XPO6: variants seen among roughly 807,000 people sequenced by gnomAD.
The protein encoded by XPO6 is exportin-6.
A neutral mutation model predicts 130.0 loss-of-function variants in XPO6; 3 were observed. The ratio of observed to expected loss-of-function variants is 0.02; its 90% CI spans 0.01 to 0.06. XPO6 has a LOEUF of 0.06. Ranked by LOEUF, XPO6 falls within the 10% of genes least tolerant of loss-of-function variation. The pLI is 1.00. For synonymous variants in XPO6, 524 were observed against 548.9 expected, an observed-to-expected ratio of 0.95 and a Z score of 0.63; for missense variants, 970 against 1,393.0, an observed-to-expected ratio of 0.70 and a Z score of 4.83.
At chr16:28,181,149 AAC>A in intron 1 of XPO6, 118 bp from the exon 2 acceptor site, 1 of 731,652 alleles carries the variant, frequency 1.4e-6, no homozygotes, top group Non-Finnish European at 2.2e-6. Context: ...ATCTTGGTTC[AAC>A]ATTCTTCAAA....
chr16:28,141,167 C>A (rs910797311), intron 9 of XPO6, among the ~76,000 whole-genome samples: 6 of 152,110 alleles, frequency 3.9e-5, no homozygotes, highest in Non-Finnish European at 7.4e-5. Flanking sequence ...TTTTTCTCAC[C>A]CTCACTCACA....
intron 9 of XPO6, among the ~76,000 whole-genome samples, chr16:28,140,281 A>G (rs1367329011): frequency 1.3e-5 from 2 of 152,124 alleles, no homozygotes; most frequent in African/African-American, 4.8e-5. Context: ...AAACAATAAC[A>G]AAAAGGTATA....
intron 7 of XPO6, 75 bp from the exon 8 acceptor site, chr16:28,152,860 C>A: frequency 6.4e-7 from 1 of 1,565,584 alleles, no homozygotes; most frequent in Non-Finnish European, 8.6e-7. Context: ...ATCCAAAGTT[C>A]TTTCAGTACA....
chr16:28,106,466 G>A lies in XPO6; in HGVS notation c.2529C>T (p.Leu843=). 1 of 1,614,224 alleles carries A rather than the reference G, an allele frequency of 6.2e-7. No individual in the cohort carries two copies. The highest frequency in any genetic ancestry group is 8.5e-7 in the Non-Finnish European group (1 of 1,180,054). The stretch of plus-strand genomic sequence containing the variant: ...GTACTCTAAGGCCTCGAAACAGAGT[G>A]AGGAAGAAGCTCAGCATCTCATCAG... ...DVTDEMLSFF[L]TLFRGLRVQM... Residue 843 remains leucine (L), a synonymous_variant, in exon 19 of 24, where the codon CTC becomes CTT. Coordinates refer to ENST00000304658, the MANE Select transcript of XPO6 (RefSeq NM_015171.4). The surrounding 1 kb of genome is among the most constrained non-coding windows in gnomAD (Gnocchi z 4.2).
At chr16:28,126,963 A>G (rs1002897389) in intron 12 of XPO6, among the ~76,000 whole-genome samples, 5 of 151,966 alleles carry the variant, frequency 3.3e-5, no homozygotes, top group Non-Finnish European at 7.4e-5. Context: ...ACTGGTCATC[A>G]CCAACCCTCC....
Position 28,121,762 on chromosome 16 carries a change from C to T in XPO6, c.1767G>A (p.Arg589=). The change falls in exon 14 of 24, where the codon AGG becomes AGA. Residue 589 remains arginine (R), a splice_region_variant and synonymous_variant. Transcript: ENST00000304658. ...RFNDALTVVE[R]LVKVTLYGSQ... is the part of the protein sequence containing the mutation. ...ATCCGTACAGAGTGACTTTGACCAA[C>T]CTGTTGGCAAAGAGGCAGGTAAACA... 2 of 1,608,158 alleles carry T rather than the reference C, an allele frequency of 1.2e-6. No homozygotes were observed. Among genetic ancestry groups the T allele is most frequent in the East Asian group, 2.2e-5 (1 of 44,842 alleles).
At chr16:28,157,227 C>T (rs1257326330) in intron 6 of XPO6, among the ~76,000 whole-genome samples, 1 of 152,086 alleles carries the variant, frequency 6.6e-6, no homozygotes, top group Non-Finnish European at 1.5e-5. Flanking sequence ...GAGGCCGAGG[C>T]GGGTGGATTA....
chr16:28,191,744 G>A (rs954355456), intron 1 of XPO6, among the ~76,000 whole-genome samples: 1 of 152,210 alleles, frequency 6.6e-6, no homozygotes, highest in Non-Finnish European at 1.5e-5. Flanking sequence ...TGATGAATGA[G>A]CTGGCTTTAC....
rs759166569 is a variant in XPO6, at chr16:28,106,014, G to T, written c.2784+29C>A. On this transcript the variant is annotated intron_variant, in intron 20 of 23. Coordinates refer to ENST00000304658, the MANE Select transcript of XPO6 (RefSeq NM_015171.4). This position sits in a 1 kb window ranked among gnomAD's most constrained non-coding sequence, Gnocchi z 4.2. ...CCTTCCCAATCTGGAGATGGGGGGT[G>T]CTGCACAGGGGACCGTCTGAGCCCC... 1.9e-6 allele frequency: 3 copies of T among 1,599,030 alleles called. No individual in the cohort carries two copies. The highest frequency in any genetic ancestry group is 2.6e-6 in the Non-Finnish European group (3 of 1,169,166).
intron 1 of XPO6, among the ~76,000 whole-genome samples, chr16:28,191,799 G>A (rs577836610): frequency 2.6e-5 from 4 of 152,262 alleles, no homozygotes; most frequent in Non-Finnish European, 4.4e-5. Flanking sequence ...TGAAACTGAC[G>A]AACCACTATA....
chr16:28,131,156 TTTTA>T (rs1230378292), intron 12 of XPO6, among the ~76,000 whole-genome samples: 2 of 152,258 alleles, frequency 1.3e-5, no homozygotes, highest in African/African-American at 4.8e-5. Context: ...AGTTTTGTCT[TTTTA>T]AATTTCTTAC....
At chr16:28,176,904 T>C (rs1273651243) in intron 3 of XPO6, among the ~76,000 whole-genome samples, 1 of 152,080 alleles carries the variant, frequency 6.6e-6, no homozygotes, top group Admixed American at 6.5e-5. Flanking sequence ...GGTATTATGG[T>C]TATTATTTCT....
At chr16:28,200,008 T>TAG (rs1335475126) in intron 1 of XPO6, among the ~76,000 whole-genome samples, 2 of 151,894 alleles carry the variant, frequency 1.3e-5, no homozygotes, top group African/African-American at 4.8e-5. Context: ...ATACAAAAAC[T>TAG]AGTCAGACAT....
intron 17 of XPO6, 81 bp from the exon 18 acceptor site, chr16:28,107,758 A>G: frequency 6.6e-7 from 1 of 1,519,132 alleles, no homozygotes; most frequent in East Asian, 2.3e-5. Context: ...AGAGGGAGGA[A>G]ACTTGCAAAG....
At chr16:28,152,566 G>A in intron 8 of XPO6, 93 bp downstream of exon 8, 1 of 1,453,604 alleles carries the variant, frequency 6.9e-7, no homozygotes, top group Non-Finnish European at 9.3e-7. Flanking sequence ...TTAATGTTTG[G>A]AAAATAAAGT....
chr16:28,132,816 C>A lies in XPO6; in HGVS notation c.1537-413G>T, dbSNP rs1022137795. ...TACCTTGAGAGAAATGTCAGCTATGCCTTATTAAGCACATGGTAAAGTGAT... is the reference window on the plus strand; with the variant it reads ...TACCTTGAGAGAAATGTCAGCTATGACTTATTAAGCACATGGTAAAGTGAT... On this transcript the variant is annotated intron_variant, in intron 11 of 23. Transcript: ENST00000304658. The surrounding 1 kb of genome is among the most constrained non-coding windows in gnomAD (Gnocchi z 4.0). Among the ~76,000 whole-genome samples, 11 of 152,130 alleles carry A rather than the reference C, an allele frequency of 7.2e-5. No individual in the cohort carries two copies. The highest frequency in any genetic ancestry group is 7.2e-4 in the Admixed American group (11 of 15,274).
intron 1 of XPO6, among the ~76,000 whole-genome samples, chr16:28,186,074 C>G (rs1465469065): frequency 6.6e-6 from 1 of 152,078 alleles, no homozygotes; most frequent in African/African-American, 2.4e-5. Flanking sequence ...GACCCATAAT[C>G]ACCTAAAAAA....
intron 4 of XPO6, among the ~76,000 whole-genome samples, chr16:28,173,995 C>G (rs369757294): frequency 6.6e-6 from 1 of 152,132 alleles, no homozygotes; most frequent in South Asian, 2.1e-4. Context: ...ACTAACCAAC[C>G]CAGGAATAGG....
intron 9 of XPO6, among the ~76,000 whole-genome samples, chr16:28,144,480 T>G (rs1265584216): frequency 1.3e-5 from 2 of 152,210 alleles, no homozygotes; most frequent in African/African-American, 4.8e-5. Context: ...GCGTGATCAC[T>G]GCACACAACA....
Sources: allele counts gnomAD v4.1 joint callset (sites outside exome capture counted in the v4.1 genomes callset), GRCh38; gene constraint gnomAD v4.1.1; non-coding constraint Gnocchi (gnomAD v3.1); transcripts MANE v1.5; gene names NCBI Gene and HGNC (gene_info 2026-07-23, HGNC 2026-07-21).